Variants in SPDYA observed in about 807,000 individuals in gnomAD.
SPDYA encodes the protein speedy protein A.
In SPDYA, 11 loss-of-function variants were observed where a neutral mutation model predicts 36.7. That is an observed-to-expected ratio of 0.30 (90% CI 0.19 to 0.50). SPDYA has a LOEUF of 0.50. Ranked by LOEUF, SPDYA falls within the 20% of genes least tolerant of loss-of-function variation. SPDYA has a pLI of 0.98. For synonymous variants in SPDYA, 115 were observed against 118.7 expected (o/e 0.97, Z 0.20); for missense variants, 287 against 370.9 (o/e 0.77, Z 1.86).
In SPDYA at chr2:28,827,031, C is replaced by T. The variant is rs138394779; in HGVS notation, c.381-2117C>T. Among the ~76,000 whole-genome samples, 674 of 150,504 alleles carry T rather than the reference C, an allele frequency of 4.5e-3. 5 individuals carry two copies. The highest frequency in any genetic ancestry group is 0.016 in the African/African-American group (635 of 40,918). On this transcript the variant is annotated intron_variant, in intron 5 of 7. Coordinates refer to ENST00000334056, the MANE Select transcript of SPDYA (RefSeq NM_182756.4). ...CTCGGCTCACTGCAAGCTCCGCCTC[C>T]GGGTTCACGCCATTCTCCTGCCTCA...
intron 7 of SPDYA, among the ~76,000 whole-genome samples, chr2:28,841,507 C>T (rs1187571009): frequency 6.6e-6 from 1 of 152,054 alleles, no homozygotes; most frequent in African/African-American, 2.4e-5. Flanking sequence ...CAGATTTTCA[C>T]CCATCTCAAG....
intron 3 of SPDYA, among the ~76,000 whole-genome samples, chr2:28,816,672 C>G (rs1000861126): frequency 6.6e-6 from 1 of 152,116 alleles, no homozygotes; most frequent in Non-Finnish European, 1.5e-5. Flanking sequence ...CTTGGTCACA[C>G]TAGAGAAGTT....
intron 2 of SPDYA, among the ~76,000 whole-genome samples, chr2:28,815,527 G>A (rs1211745731): frequency 1.3e-5 from 2 of 151,786 alleles, no homozygotes; most frequent in East Asian, 3.9e-4. Flanking sequence ...GTGGGAGGGG[G>A]GGTGCTTTGT....
At chr2:28,835,226 CTT>C (rs374378628) in intron 6 of SPDYA, among the ~76,000 whole-genome samples, 21 of 138,092 alleles carry the variant, frequency 1.5e-4, no homozygotes, top group Admixed American at 2.9e-4. Flanking sequence ...AGTGCCTGAC[CTT>C]TTTTTTTTTT....
intron 6 of SPDYA, among the ~76,000 whole-genome samples, chr2:28,830,108 C>T (rs183045660): frequency 1.3e-5 from 2 of 151,904 alleles, no homozygotes; most frequent in East Asian, 3.9e-4. Context: ...CACTGTACTC[C>T]AGCCTGGGCA....
chr2:28,830,066 G>A (rs1262771490), intron 6 of SPDYA, among the ~76,000 whole-genome samples: 3 of 151,840 alleles, frequency 2.0e-5, no homozygotes, highest in Admixed American at 6.6e-5. Flanking sequence ...TTAAACCCAG[G>A]AGGCAGAGGT....
chr2:28,835,398 C>T (rs890896309), intron 6 of SPDYA, among the ~76,000 whole-genome samples: 8 of 152,138 alleles, frequency 5.3e-5, no homozygotes, highest in African/African-American at 1.7e-4. Flanking sequence ...CCACCACGCC[C>T]GGCTATTTTG....
chr2:28,817,893 G>A (rs546281786), intron 3 of SPDYA, among the ~76,000 whole-genome samples: 1 of 138,610 alleles, frequency 7.2e-6, no homozygotes, highest in African/African-American at 2.7e-5. Context: ...GGATATGGTG[G>A]CTCATGCCTG....
At position 28,811,881 on chromosome 2, in the gene SPDYA, G is replaced by A. The variant is rs1327094596; in HGVS notation, c.-93+934G>A. 1.3e-5 allele frequency among the ~76,000 whole-genome samples: 2 copies of A among 152,036 alleles called. No individual in the cohort carries two copies. The highest frequency in any genetic ancestry group is 1.5e-5 in the Non-Finnish European group (1 of 67,984). On this transcript the variant is annotated intron_variant, in intron 1 of 7. Transcript: ENST00000334056. This position sits in a 1 kb window ranked among gnomAD's most constrained non-coding sequence, Gnocchi z 4.2. ...TGAGGCGGGAGAATCGCTTGAACCC[G>A]GGAGGCAGAGGTGGCAGTGATCCGA...
chr2:28,841,733 A>G, intron 7 of SPDYA, among the ~76,000 whole-genome samples: 1 of 152,184 alleles, frequency 6.6e-6, no homozygotes, highest in Non-Finnish European at 1.5e-5. Context: ...TAATCACTCA[A>G]CAAATTTGCA....
In SPDYA at chr2:28,810,934, C is replaced by T. The variant is rs904607596; in HGVS notation, c.-106C>T. ...TTGCCCGGCCCTCTCCCGCGCAGCC[C>T]CGGGCTTCCGCAGGTACCTGTGCTC... On this transcript the variant is annotated 5_prime_UTR_variant, in exon 1 of 8. Transcript: ENST00000334056. The T allele has an allele frequency of 6.6e-6, 1 of 152,314 alleles. No homozygotes were observed. Among genetic ancestry groups the T allele is most frequent in the African/African-American group, 2.4e-5 (1 of 41,462 alleles). The allele number at this position is 152,314 out of a possible 1,614,324, so 9.4% of individuals were successfully genotyped here. A position where few individuals can be genotyped will look rare whatever the true frequency, so the allele number is the denominator to read the frequency against.
In SPDYA at chr2:28,849,797, T is replaced by C. The variant is rs1408044501; in HGVS notation, c.851-53T>C. The C allele has an allele frequency of 4.7e-6, 5 of 1,064,954 alleles. No individual in the cohort carries two copies. The Admixed American group carries it at 7.7e-5, about 16-fold the overall frequency. 66.0% of individuals were successfully genotyped at this position (1,064,954 alleles called of 1,614,324 possible). A position where few individuals can be genotyped will look rare whatever the true frequency, so the allele number is the denominator to read the frequency against. On this transcript the variant is annotated intron_variant, in intron 7 of 7. Transcript: ENST00000334056. ...CATATACAAGCCATTATAAGATGTA[T>C]TTAAAATGGACAGATACATAAAATT...
chr2:28,849,978 C>G lies in SPDYA; in HGVS notation c.*37C>G, dbSNP rs753481746. 1 of 1,458,950 alleles carries G rather than the reference C, an allele frequency of 6.9e-7. No homozygotes were observed. The highest frequency in any genetic ancestry group is 1.4e-5 in the African/African-American group (1 of 70,594). 90.4% of individuals were successfully genotyped at this position (1,458,950 alleles called of 1,614,324 possible). ...TAAACCAATTTGGAATCATTAACTA[C>G]AAAATGTCAAACTAACTGCAAGACA... On this transcript the variant is annotated 3_prime_UTR_variant, in exon 8 of 8. Transcript: ENST00000334056.
chr2:28,811,214 C>T lies in SPDYA; in HGVS notation c.-93+267C>T, dbSNP rs1572482318. 6.6e-6 allele frequency: 1 copy of T among 152,368 alleles called. No homozygotes were observed. The highest frequency in any genetic ancestry group is 6.5e-5 in the Admixed American group (1 of 15,278). 9.4% of individuals were successfully genotyped at this position (152,368 alleles called of 1,614,324 possible). ...AGGTTGGGGCTTTGGCCGCCCTCCG[C>T]CCGGCGGCGTAGCGGGTGAAGGTTC... On this transcript the variant is annotated intron_variant, in intron 1 of 7. Transcript: ENST00000334056. The surrounding 1 kb of genome is among the most constrained non-coding windows in gnomAD (Gnocchi z 4.2).
rs371550374 is a variant in SPDYA, at chr2:28,819,124, A to G, written c.294+18A>G. Reference sequence around the variant, plus strand: ...CAGACAAGGTAAATTTGGTAACAGTATAACAATTAACCAGCATTATAATGT... The same window carrying G: ...CAGACAAGGTAAATTTGGTAACAGTGTAACAATTAACCAGCATTATAATGT... On this transcript the variant is annotated intron_variant, in intron 4 of 7. Coordinates refer to ENST00000334056, the MANE Select transcript of SPDYA (RefSeq NM_182756.4). 1.3e-6 allele frequency: 2 copies of G among 1,583,632 alleles called. No homozygotes were observed. Among genetic ancestry groups the G allele is most frequent in the East Asian group, 2.2e-5 (1 of 44,590 alleles).
chr2:28,824,920 T>G (rs952306241), intron 5 of SPDYA, among the ~76,000 whole-genome samples: 8 of 152,186 alleles, frequency 5.3e-5, no homozygotes. Context: ...ACTCAAAATT[T>G]AGGATGATTG....
chr2:28,828,367 C>T (rs1668386365), intron 5 of SPDYA, among the ~76,000 whole-genome samples: 1 of 152,162 alleles, frequency 6.6e-6, no homozygotes, highest in Admixed American at 6.5e-5. Flanking sequence ...CTTCAATTCA[C>T]AGATGTTTTC....
At chr2:28,828,468 T>C (rs1668389205) in intron 5 of SPDYA, among the ~76,000 whole-genome samples, 1 of 152,252 alleles carries the variant, frequency 6.6e-6, no homozygotes, top group African/African-American at 2.4e-5. Flanking sequence ...ATTTTCAATA[T>C]GTCTACTTAA....
At chr2:28,830,377 G>A (rs1259684983) in intron 6 of SPDYA, among the ~76,000 whole-genome samples, 1 of 151,824 alleles carries the variant, frequency 6.6e-6, no homozygotes, top group Non-Finnish European at 1.5e-5. Flanking sequence ...CTAATGTTTT[G>A]TATTTTTAGT....
Sources: gnomAD v4.1 joint callset for allele counts (sites outside exome capture counted in the v4.1 genomes callset) on GRCh38, gnomAD v4.1.1 for gene constraint, Gnocchi (gnomAD v3.1) non-coding constraint, MANE v1.5 for transcripts, NCBI Gene and HGNC (gene_info 2026-07-23, HGNC 2026-07-21) for gene names.